The following SPTBN4 variants were observed in gnomAD, a reference collection of about 807,000 sequenced individuals.
SPTBN4 encodes spectrin beta chain, non-erythrocytic 4.
In SPTBN4, 96 loss-of-function variants were observed where a neutral mutation model predicts 277.8. That is an observed-to-expected ratio of 0.35 (90% confidence interval 0.29 to 0.41). The LOEUF is 0.41. SPTBN4 is among the 10% of genes least tolerant of loss of function. The pLI is 1.00. For synonymous variants in SPTBN4, 1,481 were observed against 1,580.3 expected, an observed-to-expected ratio of 0.94 and a Z score of 1.49; for missense variants, 3,006 against 3,595.7, an observed-to-expected ratio of 0.84 and a Z score of 4.19.
In SPTBN4 at chr19:40,561,818, G is replaced by A. The variant is rs556176336; in HGVS notation, c.5915+1415G>A. The stretch of plus-strand genomic sequence containing the variant: ...GCCTGGGTGACAAGAGCAAAACTCC[G>A]TCTCAAAAAAAAAAAAAAGAAAAGA... On this transcript the variant is annotated intron_variant, in intron 27 of 35. Coordinates refer to ENST00000598249, the MANE Select transcript of SPTBN4 (RefSeq NM_020971.3). 3.5e-5 allele frequency among the ~76,000 whole-genome samples: 5 copies of A among 142,068 alleles called. No homozygotes were observed. The South Asian group carries it at 6.6e-4, about 19-fold the overall frequency. The allele number at this position is 142,068 out of a possible 152,430, so 93.2% of individuals were successfully genotyped here. A position where few individuals can be genotyped will look rare whatever the true frequency, so the allele number is the denominator to read the frequency against.
intron 20 of SPTBN4, among the ~76,000 whole-genome samples, chr19:40,542,948 G>T (rs11879144): frequency 6.6e-6 from 1 of 152,018 alleles, no homozygotes; most frequent in Non-Finnish European, 1.5e-5. Flanking sequence ...CGGGGTCTGA[G>T]GGGTGGAGTG....
rs763429509 is a variant in SPTBN4 at position 40,502,054 on chromosome 19, G to A, written c.897+21G>A. ...GGAAGGTATAAGGAGCCAAGGAGTG[G>A]GTGAGTGGGAAGCTGGAAGCTGGTG... On this transcript the variant is annotated intron_variant, in intron 8 of 35. Transcript: ENST00000598249. The surrounding 1 kb of genome is among the most constrained non-coding windows in gnomAD (Gnocchi z 4.9). The A allele has an allele frequency of 3.1e-6, 5 of 1,613,880 alleles. No individual in the cohort carries two copies. The South Asian group carries it at 5.5e-5, about 18-fold the overall frequency.
chr19:40,535,232 AT>A (rs1177571525), intron 20 of SPTBN4, among the ~76,000 whole-genome samples: 1 of 151,760 alleles, frequency 6.6e-6, no homozygotes, highest in Non-Finnish European at 1.5e-5. Flanking sequence ...ATCTTTTTAA[AT>A]TTTTTATAGA....
chr19:40,469,351 G>A (rs930243086), intron 1 of SPTBN4, among the ~76,000 whole-genome samples: 2 of 151,700 alleles, frequency 1.3e-5, no homozygotes, highest in Non-Finnish European at 2.9e-5. Flanking sequence ...TACAACCTTC[G>A]CCTCCCGGTT....
intron 22 of SPTBN4, among the ~76,000 whole-genome samples, chr19:40,550,842 T>G (rs2080910924): frequency 6.6e-6 from 1 of 152,178 alleles, no homozygotes; most frequent in Non-Finnish European, 1.5e-5. Context: ...GCATGAGCTT[T>G]CTTCTTAGGC....
intron 5 of SPTBN4, among the ~76,000 whole-genome samples, chr19:40,493,292 C>A (rs568727127): frequency 6.6e-6 from 1 of 152,294 alleles, no homozygotes; most frequent in South Asian, 2.1e-4. Flanking sequence ...GTCACCCAGG[C>A]TGGAGTGCAG....
intron 2 of SPTBN4, among the ~76,000 whole-genome samples, chr19:40,473,737 A>G (rs141909183): frequency 6.6e-6 from 1 of 152,226 alleles, no homozygotes; most frequent in East Asian, 1.9e-4. Context: ...TTAGAAATGT[A>G]CAGTCCCAGA....
intron 2 of SPTBN4, among the ~76,000 whole-genome samples, chr19:40,486,739 G>A (rs1465509857): frequency 6.6e-6 from 1 of 150,874 alleles, no homozygotes; most frequent in Non-Finnish European, 1.5e-5. Context: ...GCTCATGCCT[G>A]TAATCCCAGC....
Position 40,560,833 on chromosome 19 carries a change from C to G in SPTBN4, c.5915+430C>G. ...TGTGAGTGTCCAGCAGAATCCTGTC[C>G]CCTGGTGATTGGGAGCCAGGGTCCT... On this transcript the variant is annotated intron_variant, in intron 27 of 35. Coordinates refer to ENST00000598249, the MANE Select transcript of SPTBN4 (RefSeq NM_020971.3). The surrounding 1 kb of genome is among the most constrained non-coding windows in gnomAD (Gnocchi z 5.2). 1.2e-6 allele frequency: 1 copy of G among 857,430 alleles called. No individual in the cohort carries two copies. The highest frequency in any genetic ancestry group is 1.5e-6 in the Non-Finnish European group (1 of 686,378). The allele number at this position is 857,430 out of a possible 1,614,324, so 53.1% of individuals were successfully genotyped here.
chr19:40,503,749 G>A, intron 11 of SPTBN4, 81 bp from the exon 12 acceptor site: 1 of 1,431,186 alleles, frequency 7.0e-7, no homozygotes. Flanking sequence ...ATGGAGTGGG[G>A]AGTCCCCAGG....
intron 20 of SPTBN4, among the ~76,000 whole-genome samples, chr19:40,542,067 G>A (rs531598550): frequency 6.6e-6 from 1 of 152,158 alleles, no homozygotes; most frequent in South Asian, 2.1e-4. Flanking sequence ...GATTACAGGC[G>A]TGAGCCACCA....
chr19:40,477,651 C>T (rs1237369721), intron 2 of SPTBN4, among the ~76,000 whole-genome samples: 1 of 152,154 alleles, frequency 6.6e-6, no homozygotes, highest in Non-Finnish European at 1.5e-5. Flanking sequence ...TCAAGGAGGG[C>T]TTCTTGGAGA....
intron 20 of SPTBN4, among the ~76,000 whole-genome samples, chr19:40,540,927 G>T (rs2080794675): frequency 6.6e-6 from 1 of 150,768 alleles, no homozygotes; most frequent in Non-Finnish European, 1.5e-5. Context: ...TTGCCAAATT[G>T]CCTGCCCAGG....
At chr19:40,565,811 G>A in intron 29 of SPTBN4, 66 bp downstream of exon 29, 1 of 1,504,716 alleles carries the variant, frequency 6.6e-7, no homozygotes, top group Non-Finnish European at 9.0e-7. Flanking sequence ...GTCCAGCCAA[G>A]GCCCAGAGGG....
rs575461419 is a variant in SPTBN4 at position 40,545,080 on chromosome 19, A to T, written c.4360-4109A>T. Among the ~76,000 whole-genome samples, 7 of 151,600 alleles carry T rather than the reference A, an allele frequency of 4.6e-5. No homozygotes were observed. The East Asian group carries it at 1.2e-3, about 25-fold the overall frequency. ...AGTATTTCTTTTTTTTCTTAAAAAA[A>T]TTTTTATTATTATTATTTAAAAATT... On this transcript the variant is annotated intron_variant, in intron 20 of 35. Coordinates refer to ENST00000598249, the MANE Select transcript of SPTBN4 (RefSeq NM_020971.3).
intron 13 of SPTBN4, among the ~76,000 whole-genome samples, chr19:40,512,032 G>A (rs1330992141): frequency 6.6e-6 from 1 of 152,152 alleles, no homozygotes; most frequent in Admixed American, 6.5e-5. Context: ...GCTGAGGCAG[G>A]AGAATCGCTT....
chr19:40,534,042 A>G (rs373736807), intron 19 of SPTBN4, 38 bp from the exon 20 acceptor site: 10 of 1,566,948 alleles, frequency 6.4e-6, no homozygotes, highest in East Asian at 2.3e-5. Context: ...CCATCTATCT[A>G]TCTTCTCCAT....
In SPTBN4 at chr19:40,512,813, C is replaced by A; in HGVS notation, c.2024C>A (p.Ala675Glu). The change falls in exon 14 of 36, where the codon GCG becomes GAG. Residue 675 changes from alanine (A) to glutamate (E), a missense_variant. This residue lies in a region of SPTBN4 where 1,759 missense variants were observed against 2,061.5 expected (regional missense o/e 0.85). Coordinates refer to ENST00000598249, the MANE Select transcript of SPTBN4 (RefSeq NM_020971.3). ...CTGGAGGCTGCGGGCGGCGGCGGTG[C>A]GGCGGGCGCAGCGGGCGCAGCGGGA... Reference protein sequence around the residue: ...RLLEAAGGGGAAGAAGAAGTA... With the variant: ...RLLEAAGGGGEAGAAGAAGTA... 1 of 1,451,144 alleles carries A rather than the reference C, an allele frequency of 6.9e-7. No individual in the cohort carries two copies. Among genetic ancestry groups the A allele is most frequent in the South Asian group, 1.4e-5 (1 of 71,038 alleles). 89.9% of individuals were successfully genotyped at this position (1,451,144 alleles called of 1,614,324 possible). A position where few individuals can be genotyped will look rare whatever the true frequency, so the allele number is the denominator to read the frequency against.
At chr19:40,473,985 T>A (rs61056841) in intron 2 of SPTBN4, among the ~76,000 whole-genome samples, 24,599 of 145,146 alleles carry the variant, frequency 0.17, 2,245 homozygotes, top group South Asian at 0.24. Context: ...CTACTAAAAA[T>A]AAAAATAAAA....
Sources: gnomAD v4.1 joint callset for allele counts (sites outside exome capture counted in the v4.1 genomes callset) on GRCh38, gnomAD v4.1.1 for gene constraint, gnomAD v4.1.1 regional missense constraint, Gnocchi (gnomAD v3.1) non-coding constraint, MANE v1.5 for transcripts, NCBI Gene and HGNC (gene_info 2026-07-23, HGNC 2026-07-21) for gene names.